Variants in SLC13A3 observed in about 807,000 individuals in gnomAD.
SLC13A3 encodes Na(+)/dicarboxylate cotransporter 3.
SLC13A3 carries 40 observed loss-of-function variants against 59.0 expected under a neutral mutation model. The observed-to-expected ratio is 0.68, with a 90% confidence interval of 0.53 to 0.88. The LOEUF is 0.88. Ranked by LOEUF, SLC13A3 falls within the 40% of genes least tolerant of loss-of-function variation. The pLI, the probability that SLC13A3 is intolerant of heterozygous loss-of-function variation, is 0.00. For missense variants in SLC13A3, 699 were observed against 783.2 expected, an observed-to-expected ratio of 0.89 and a Z score of 1.28; for synonymous variants, 317 against 330.3, an observed-to-expected ratio of 0.96 and a Z score of 0.44.
intron 1 of SLC13A3, among the ~76,000 whole-genome samples, chr20:46,658,002 CA>C (rs2063004891): frequency 6.6e-6 from 1 of 152,072 alleles, no homozygotes; most frequent in African/African-American, 2.4e-5. Context: ...AAAACCATCT[CA>C]GGGGGGTTCA....
At chr20:46,584,323 C>A (rs953811297) in intron 8 of SLC13A3, 29 of 985,280 alleles carry the variant, frequency 2.9e-5, no homozygotes, top group African/African-American at 7.0e-5. Flanking sequence ...CAAATACAAC[C>A]AAGATACCCT....
intron 1 of SLC13A3, among the ~76,000 whole-genome samples, chr20:46,658,389 A>G (rs771166350): frequency 1.3e-5 from 2 of 152,226 alleles, no homozygotes. Context: ...GGAAATGTAT[A>G]GGGTGATAGA....
intron 1 of SLC13A3, among the ~76,000 whole-genome samples, chr20:46,668,801 C>G (rs2694899): frequency 6.6e-6 from 1 of 152,108 alleles, no homozygotes; most frequent in Non-Finnish European, 1.5e-5. Flanking sequence ...TGAAGGCCCA[C>G]AAGAATTATG....
chr20:46,624,505 G>A (rs190999277), intron 1 of SLC13A3, among the ~76,000 whole-genome samples: 161 of 152,312 alleles, frequency 1.1e-3, no homozygotes, highest in Middle Eastern at 6.8e-3. Flanking sequence ...AGCCTGCTGG[G>A]TAGACACAAG....
At chr20:46,657,297 C>T (rs547720378) in intron 1 of SLC13A3, among the ~76,000 whole-genome samples, 19 of 151,444 alleles carry the variant, frequency 1.3e-4, no homozygotes, top group Admixed American at 8.6e-4. Flanking sequence ...CATTTGAACC[C>T]GGGAGGCAGA....
intron 1 of SLC13A3, among the ~76,000 whole-genome samples, chr20:46,627,086 C>T (rs1211590341): frequency 1.3e-5 from 2 of 152,222 alleles, no homozygotes; most frequent in African/African-American, 4.8e-5. Flanking sequence ...TTATCTCTCT[C>T]TCGCCTCCCT....
chr20:46,592,392 A>T lies in SLC13A3; in HGVS notation c.920+12T>A, dbSNP rs1452425950. 1.2e-6 allele frequency: 2 copies of T among 1,613,680 alleles called. No individual in the cohort carries two copies. Among genetic ancestry groups the T allele is most frequent in the East Asian group, 2.2e-5 (1 of 44,868 alleles). On this transcript the variant is annotated intron_variant, in intron 6 of 12. Coordinates refer to ENST00000279027, the MANE Select transcript of SLC13A3 (RefSeq NM_022829.6). ...TTCCCCACTCTATTGCCAAAAAGAA[A>T]ATGAGAGGTACCTGAAGCTCAGTCC...
intron 12 of SLC13A3, among the ~76,000 whole-genome samples, chr20:46,563,049 T>C (rs933099602): frequency 7.2e-5 from 11 of 152,168 alleles, no homozygotes; most frequent in Non-Finnish European, 1.5e-4. Flanking sequence ...GCTACAGTCC[T>C]CCGCTTCTGT....
Position 46,577,167 on chromosome 20 carries a change from C to T in SLC13A3, c.1220-1482G>A, listed in dbSNP as rs1225933459. On this transcript the variant is annotated intron_variant, in intron 9 of 12. Transcript: ENST00000279027. ...GAAGCCCACAGGTGTATGCAGTCTACAGACGTATGAAGCCCACAGGTGTAT... is the reference window on the plus strand; with the variant it reads ...GAAGCCCACAGGTGTATGCAGTCTATAGACGTATGAAGCCCACAGGTGTAT... 5.3e-5 allele frequency among the ~76,000 whole-genome samples: 8 copies of T among 151,756 alleles called. No homozygotes were observed. The East Asian group carries it at 1.5e-3, about 29-fold the overall frequency.
rs547893315 is a variant in SLC13A3, at chr20:46,584,758, C to T, written c.1122-1089G>A. 2.6e-5 allele frequency among the ~76,000 whole-genome samples: 4 copies of T among 152,280 alleles called. No homozygotes were observed. The East Asian group carries it at 7.7e-4, about 29-fold the overall frequency. On this transcript the variant is annotated intron_variant, in intron 8 of 12. Coordinates refer to ENST00000279027, the MANE Select transcript of SLC13A3 (RefSeq NM_022829.6). ...ATTTTACATGTAAATACCCTTTGAT[C>T]CAGTTATCCTCCTTCTAGGAATTTA...
intron 1 of SLC13A3, among the ~76,000 whole-genome samples, chr20:46,659,718 C>G (rs1039703839): frequency 6.7e-5 from 10 of 148,714 alleles, no homozygotes; most frequent in Admixed American, 2.0e-4. Context: ...CCTATCCCCC[C>G]CCCCCAAAAA....
intron 7 of SLC13A3, among the ~76,000 whole-genome samples, chr20:46,588,856 G>A (rs904803277): frequency 1.3e-4 from 20 of 152,192 alleles, no homozygotes; most frequent in African/African-American, 4.6e-4. Flanking sequence ...GGTCCCGGAA[G>A]TCACCTGAGA....
At chr20:46,637,962 G>T (rs921617258) in intron 1 of SLC13A3, among the ~76,000 whole-genome samples, 2 of 152,190 alleles carry the variant, frequency 1.3e-5, no homozygotes, top group African/African-American at 4.8e-5. Context: ...AGAAGTACAG[G>T]TTCCATATCA....
At chr20:46,579,043 G>T (rs1028192811) in intron 9 of SLC13A3, among the ~76,000 whole-genome samples, 1 of 152,200 alleles carries the variant, frequency 6.6e-6, no homozygotes, top group Admixed American at 6.5e-5. Context: ...ATAGTGGGGT[G>T]AGTATAAGAA....
chr20:46,650,596 C>T (rs972322460), intron 1 of SLC13A3, among the ~76,000 whole-genome samples: 5 of 152,098 alleles, frequency 3.3e-5, no homozygotes, highest in African/African-American at 9.7e-5. Context: ...TGATATTCAC[C>T]GCTGCCCTAT....
chr20:46,633,715 C>T (rs1444313615), intron 1 of SLC13A3, among the ~76,000 whole-genome samples: 1 of 152,224 alleles, frequency 6.6e-6, no homozygotes, highest in Non-Finnish European at 1.5e-5. Flanking sequence ...GCAGCAATAA[C>T]TACTGTTTAT....
chr20:46,618,815 C>T (rs967799865), intron 1 of SLC13A3, among the ~76,000 whole-genome samples: 1 of 152,234 alleles, frequency 6.6e-6, no homozygotes, highest in Middle Eastern at 3.2e-3. Flanking sequence ...CAGTGCCCAT[C>T]ATTCCTGTTC....
intron 9 of SLC13A3, among the ~76,000 whole-genome samples, chr20:46,578,221 C>A (rs114044991): frequency 0.013 from 1,945 of 151,978 alleles, 41 homozygotes; most frequent in African/African-American, 0.045. Flanking sequence ...TGAGCCACCA[C>A]GCCCGGTCAG....
chr20:46,644,260 T>G (rs2062872918), intron 1 of SLC13A3, among the ~76,000 whole-genome samples: 1 of 152,150 alleles, frequency 6.6e-6, no homozygotes. Context: ...TGACAGTTAC[T>G]AAGTGCTAAC....
Sources: allele counts gnomAD v4.1 joint callset (sites outside exome capture counted in the v4.1 genomes callset), GRCh38; gene constraint gnomAD v4.1.1; transcripts MANE v1.5; gene names NCBI Gene and HGNC (gene_info 2026-07-23, HGNC 2026-07-21).